The following TMEM178A variants were observed in gnomAD, a reference collection of about 807,000 sequenced individuals.
TMEM178A encodes the protein transmembrane protein 178A, also known as transmembrane protein 178.
Under a neutral mutation model 29.1 loss-of-function variants are expected in TMEM178A, and 12 were observed. That is an observed-to-expected ratio of 0.41 (90% CI 0.26 to 0.67). The LOEUF is 0.67. Ranked by LOEUF, TMEM178A falls within the 30% of genes least tolerant of loss-of-function variation. The pLI, the probability that TMEM178A is intolerant of heterozygous loss-of-function variation, is 0.29. For missense variants in TMEM178A, 366 were observed against 419.1 expected, an observed-to-expected ratio of 0.87 and a Z score of 1.11; for synonymous variants, 210 against 187.2, an observed-to-expected ratio of 1.12 and a Z score of -0.99.
rs558408778 is a variant in TMEM178A at position 39,703,416 on chromosome 2, A to C, written c.401-665A>C. On this transcript the variant is annotated intron_variant, in intron 1 of 3. Transcript: ENST00000281961. ...GTGTACTAGATGAATCAATGTGTAC[A>C]CCTGCCCATATCAAAATATTGTGCC... 2.6e-5 allele frequency among the ~76,000 whole-genome samples: 4 copies of C among 152,300 alleles called. No homozygotes were observed. The East Asian group carries it at 7.7e-4, about 29-fold the overall frequency.
intron 1 of TMEM178A, among the ~76,000 whole-genome samples, chr2:39,672,518 C>G (rs550415410): frequency 6.6e-6 from 1 of 151,944 alleles, no homozygotes. Flanking sequence ...ATAATTGCAA[C>G]GGTTCTTTTT....
At chr2:39,698,419 G>A (rs1671643852) in intron 1 of TMEM178A, among the ~76,000 whole-genome samples, 1 of 152,170 alleles carries the variant, frequency 6.6e-6, no homozygotes, top group Non-Finnish European at 1.5e-5. Context: ...AGATGATCAG[G>A]TGGTTTCTGA....
intron 1 of TMEM178A, 67 bp from the exon 2 acceptor site, chr2:39,704,014 G>C (rs1333206789): frequency 7.3e-7 from 1 of 1,372,142 alleles, no homozygotes; most frequent in Non-Finnish European, 1.0e-6. Context: ...ACGGTATTCT[G>C]CCTCAGGTCT....
intron 3 of TMEM178A, among the ~76,000 whole-genome samples, chr2:39,709,334 C>T (rs925937975): frequency 1.3e-5 from 2 of 152,242 alleles, no homozygotes; most frequent in African/African-American, 2.4e-5. Context: ...GCATCATCAC[C>T]AGCATCCTGG....
chr2:39,668,002 A>G (rs559725922), intron 1 of TMEM178A, among the ~76,000 whole-genome samples: 9 of 152,330 alleles, frequency 5.9e-5, no homozygotes, highest in Non-Finnish European at 8.8e-5. Flanking sequence ...ATTTCCTTAC[A>G]CTTTCTATGC....
chr2:39,668,328 C>G (rs979784971), intron 1 of TMEM178A, among the ~76,000 whole-genome samples: 8 of 152,150 alleles, frequency 5.3e-5, no homozygotes, highest in African/African-American at 1.9e-4. Context: ...CTAGATTTTC[C>G]CAGTCACGAA....
chr2:39,686,436 T>G (rs1671079812), intron 1 of TMEM178A, among the ~76,000 whole-genome samples: 1 of 152,162 alleles, frequency 6.6e-6, no homozygotes, highest in Non-Finnish European at 1.5e-5. Context: ...AATTACCTAC[T>G]TATCCTTCAG....
intron 1 of TMEM178A, among the ~76,000 whole-genome samples, chr2:39,693,053 G>T (rs1393609302): frequency 6.6e-6 from 1 of 152,206 alleles, no homozygotes; most frequent in Admixed American, 6.5e-5. Flanking sequence ...GGCGGAGCTT[G>T]CAGTGAGCGG....
At chr2:39,732,770 A>G in the TMEM178A span, among the ~76,000 whole-genome samples, 1 of 152,080 alleles carries the variant, frequency 6.6e-6, no homozygotes. Context: ...GGCATTAGGG[A>G]GCTGCTTACA....
chr2:39,688,125 T>G (rs1400409445), intron 1 of TMEM178A, among the ~76,000 whole-genome samples: 1 of 152,264 alleles, frequency 6.6e-6, no homozygotes, highest in Non-Finnish European at 1.5e-5. Context: ...TGGCAGGCCA[T>G]TTAAGTGCTC....
chr2:39,678,166 G>C (rs2540250), intron 1 of TMEM178A, among the ~76,000 whole-genome samples: 67,174 of 151,924 alleles, frequency 0.44, 15,409 homozygotes, highest in East Asian at 0.77. Context: ...TAAAAATATC[G>C]GATAGATTCC....
At chr2:39,730,857 T>C in the TMEM178A span, among the ~76,000 whole-genome samples, 1 of 152,206 alleles carries the variant, frequency 6.6e-6, no homozygotes, top group Non-Finnish European at 1.5e-5. Flanking sequence ...CTTTCAGCTC[T>C]TGGGCTCTTT....
chr2:39,732,797 TAGA>T, the TMEM178A span, among the ~76,000 whole-genome samples: 2 of 152,122 alleles, frequency 1.3e-5, no homozygotes, highest in Non-Finnish European at 2.9e-5. Context: ...CTGGTGCAAG[TAGA>T]GAGCCATCTC....
downstream of TMEM178A, among the ~76,000 whole-genome samples, chr2:39,722,616 T>C (rs1310942402): frequency 1.3e-5 from 2 of 152,110 alleles, no homozygotes; most frequent in African/African-American, 4.8e-5. Context: ...GGGAAAGATG[T>C]AGTGTTTGTG....
At chr2:39,671,023 A>G in intron 1 of TMEM178A, among the ~76,000 whole-genome samples, 1 of 152,216 alleles carries the variant, frequency 6.6e-6, no homozygotes, top group Admixed American at 6.5e-5. Flanking sequence ...ATAAGGCTGT[A>G]TGCACAATGC....
intron 1 of TMEM178A, among the ~76,000 whole-genome samples, chr2:39,692,959 A>C (rs1447106984): frequency 6.6e-6 from 1 of 152,162 alleles, no homozygotes; most frequent in Non-Finnish European, 1.5e-5. Flanking sequence ...AATTAACCTT[A>C]CAATTTAAAG....
chr2:39,720,291 C>G (rs1672675642), downstream of TMEM178A, among the ~76,000 whole-genome samples: 1 of 152,046 alleles, frequency 6.6e-6, no homozygotes, highest in Non-Finnish European at 1.5e-5. Flanking sequence ...AAAGTGTGCC[C>G]CCACAAGTGA....
chr2:39,685,757 C>G (rs896252343), intron 1 of TMEM178A, among the ~76,000 whole-genome samples: 1 of 152,216 alleles, frequency 6.6e-6, no homozygotes, highest in Non-Finnish European at 1.5e-5. Context: ...GACTCAGAGA[C>G]TTTCTCTGCT....
chr2:39,728,325 C>T, the TMEM178A span, among the ~76,000 whole-genome samples: 77,531 of 152,062 alleles, frequency 0.51, 20,196 homozygotes, highest in East Asian at 0.75. Context: ...CTAGGTTACA[C>T]AGGAAGTCGG....
Sources: allele counts gnomAD v4.1 joint callset (sites outside exome capture counted in the v4.1 genomes callset), GRCh38; gene constraint gnomAD v4.1.1; transcripts MANE v1.5; gene names NCBI Gene and HGNC (gene_info 2026-07-23, HGNC 2026-07-21).